The following CXCL1 variants were observed in gnomAD, a reference collection of about 807,000 sequenced individuals.
The protein encoded by CXCL1 is growth-regulated alpha protein.
A neutral mutation model predicts 11.7 loss-of-function variants in CXCL1; 9 were observed. The ratio of observed to expected loss-of-function variants is 0.77; its 90% confidence interval spans 0.46 to 1.34. The LOEUF (loss-of-function observed/expected upper bound fraction) is 1.34. Ranked by LOEUF, CXCL1 falls within the 40% of genes most tolerant of loss-of-function variation. The pLI is 0.00. For missense variants in CXCL1, 146 were observed against 138.1 expected, an observed-to-expected ratio of 1.06 and a Z score of -0.29; for synonymous variants, 78 against 59.1, an observed-to-expected ratio of 1.32 and a Z score of -1.47.
At chr4:73,870,150 T>G in intron 3 of CXCL1, 161 bp downstream of exon 3, 1 of 742,684 alleles carries the variant, frequency 1.3e-6, no homozygotes, top group South Asian at 1.8e-5. Flanking sequence ...CGATAATTAC[T>G]GCTCTGGTGC....
At chr4:73,870,456 G>T in intron 3 of CXCL1, 65 bp from the exon 4 acceptor site, 1 of 1,603,780 alleles carries the variant, frequency 6.2e-7, no homozygotes, top group Non-Finnish European at 8.5e-7. Context: ...AGCAGGGCAG[G>T]AGAAGAGTGT....
rs7656335 is a variant in CXCL1 at position 73,869,807 on chromosome 4, G to A, written c.224+15G>A. The A allele has an allele frequency of 1.9e-6, 3 of 1,613,452 alleles. No individual in the cohort carries two copies. The highest frequency in any genetic ancestry group is 2.2e-5 in the East Asian group (1 of 44,868). ...ACCGAAGTCATGTAAGTCCCGCCCC[G>A]CGCTGCCTCTGCCACCGCCGGGGTC... On this transcript the variant is annotated intron_variant, in intron 2 of 3. Coordinates refer to ENST00000395761, the MANE Select transcript of CXCL1 (RefSeq NM_001511.4).
In CXCL1 at chr4:73,869,730, CA is replaced by C; in HGVS notation, c.164del (p.Lys55ArgfsTer6). On this transcript the variant is annotated frameshift_variant, in exon 2 of 4. Coordinates refer to ENST00000395761, the MANE Select transcript of CXCL1 (RefSeq NM_001511.4). LOFTEE classifies it high-confidence loss of function. ...CLQTLQGIHPKNIQSVNVKSP... is the reference protein window; with the variant it reads ...CLQTLQGIHPXNIQSVNVKSP... ...TGCAGACCCTGCAGGGAATTCACCC[CA>C]AGAACATCCAAAGTGTGAACGTGAA... is the stretch of plus-strand genomic sequence containing the variant. The C allele has an allele frequency of 6.2e-7, 1 of 1,614,198 alleles. No individual in the cohort carries two copies. Among genetic ancestry groups the C allele is most frequent in the Non-Finnish European group, 8.5e-7 (1 of 1,180,040 alleles).
At chr4:73,870,450 G>C in intron 3 of CXCL1, 71 bp from the exon 4 acceptor site, 3 of 1,595,734 alleles carry the variant, frequency 1.9e-6, no homozygotes, top group Non-Finnish European at 1.7e-6. Flanking sequence ...TGGAGGAGCA[G>C]GGCAGGAGAA....
Position 73,870,897 on chromosome 4 carries a change from C to T in CXCL1, c.*361C>T. On this transcript the variant is annotated 3_prime_UTR_variant, in exon 4 of 4. Transcript: ENST00000395761. ...TCATTATGTTAATATTTCTGAGGAG[C>T]CTGCAACATGCCAGCCACTGTGATA... The T allele has an allele frequency of 5.3e-6, 1 of 186,948 alleles. No individual in the cohort carries two copies. Among genetic ancestry groups the T allele is most frequent in the Non-Finnish European group, 1.1e-5 (1 of 88,096 alleles). 11.6% of individuals were successfully genotyped at this position (186,948 alleles called of 1,614,324 possible). A position where few individuals can be genotyped will look rare whatever the true frequency, so the allele number is the denominator to read the frequency against.
At position 73,869,414 on chromosome 4, in the gene CXCL1, C is replaced by A. The variant is rs202228146; in HGVS notation, c.-57C>A. ...AGCCACAGAGCCCGGGCCGCAGGCACCTCCTCGCCAGCTCTTCCGCTCCTC... is the reference window on the plus strand; with the variant it reads ...AGCCACAGAGCCCGGGCCGCAGGCAACTCCTCGCCAGCTCTTCCGCTCCTC... On this transcript the variant is annotated 5_prime_UTR_variant, in exon 1 of 4. Transcript: ENST00000395761. The A allele has an allele frequency of 1.4e-5, 22 of 1,527,456 alleles. No individual in the cohort carries two copies. In the East Asian group the frequency reaches 4.7e-4, roughly 32 times the overall value. 94.6% of individuals were successfully genotyped at this position (1,527,456 alleles called of 1,614,324 possible).
In CXCL1 at chr4:73,871,304, C is replaced by G. The variant is rs959205342; in HGVS notation, c.*768C>G. 2 of 152,126 alleles carry G rather than the reference C, an allele frequency of 1.3e-5. No individual in the cohort carries two copies. Among genetic ancestry groups the G allele is most frequent in the African/African-American group, 4.8e-5 (2 of 41,400 alleles). The allele number at this position is 152,126 out of a possible 1,614,324, so 9.4% of individuals were successfully genotyped here. ...TACTGGAAAATCTGGTGATTTATAT[C>G]AATATTTCTCAATTTTTTAATTGTG... On this transcript the variant is annotated 3_prime_UTR_variant, in exon 4 of 4. Transcript: ENST00000395761.
chr4:73,869,485 T>C lies in CXCL1; in HGVS notation c.15T>C (p.Ala5=). The C allele has an allele frequency of 3.8e-6, 6 of 1,571,018 alleles. No individual in the cohort carries two copies. The highest frequency in any genetic ancestry group is 5.2e-6 in the Non-Finnish European group (6 of 1,159,814). Residue 5 remains alanine (A), a synonymous_variant, in exon 1 of 4, where the codon GCT becomes GCC. Coordinates refer to ENST00000395761, the MANE Select transcript of CXCL1 (RefSeq NM_001511.4). ...TGCTGAGCCCCATGGCCCGCGCTGCTCTCTCCGCCGCCCCCAGCAATCCCC... is the reference window on the plus strand; with the variant it reads ...TGCTGAGCCCCATGGCCCGCGCTGCCCTCTCCGCCGCCCCCAGCAATCCCC... MARA[A]LSAAPSNPRL...
chr4:73,870,326 A>G (rs1165854919), intron 3 of CXCL1, 195 bp from the exon 4 acceptor site: 1 of 396,808 alleles, frequency 2.5e-6, no homozygotes, highest in Non-Finnish European at 4.8e-6. Context: ...CCCCACCCCC[A>G]TTCCTAAAAG....
rs1731934234 is a variant in CXCL1, at chr4:73,870,774, T to C, written c.*238T>C. The C allele has an allele frequency of 4.5e-6, 2 of 440,314 alleles. No homozygotes were observed. Among genetic ancestry groups the C allele is most frequent in the African/African-American group, 2.0e-5 (1 of 49,812 alleles). The allele number at this position is 440,314 out of a possible 1,614,324, so 27.3% of individuals were successfully genotyped here. ...TATGATTAACTCTACCTGCACACTGTCCTATTATATTCATTCTTTTTGAAA... is the reference window on the plus strand; with the variant it reads ...TATGATTAACTCTACCTGCACACTGCCCTATTATATTCATTCTTTTTGAAA... On this transcript the variant is annotated 3_prime_UTR_variant, in exon 4 of 4. Coordinates refer to ENST00000395761, the MANE Select transcript of CXCL1 (RefSeq NM_001511.4).
At position 73,869,436 on chromosome 4, in the gene CXCL1, C is replaced by T. The variant is rs752846210; in HGVS notation, c.-35C>T. ...GCACCTCCTCGCCAGCTCTTCCGCT[C>T]CTCTCACAGCCGCCAGACCCGCCTG... On this transcript the variant is annotated 5_prime_UTR_variant, in exon 1 of 4. Transcript: ENST00000395761. 1 of 1,540,986 alleles carries T rather than the reference C, an allele frequency of 6.5e-7. No individual in the cohort carries two copies. The highest frequency in any genetic ancestry group is 8.7e-7 in the Non-Finnish European group (1 of 1,146,078).
In CXCL1 at chr4:73,870,678, T is replaced by C; in HGVS notation, c.*142T>C. The C allele has an allele frequency of 1.2e-6, 1 of 839,714 alleles. No homozygotes were observed. Among genetic ancestry groups the C allele is most frequent in the Non-Finnish European group, 1.8e-6 (1 of 546,926 alleles). The allele number at this position is 839,714 out of a possible 1,614,324, so 52.0% of individuals were successfully genotyped here. A position where few individuals can be genotyped will look rare whatever the true frequency, so the allele number is the denominator to read the frequency against. ...GTTTGAGCATCGCTTAGGAGAAGTCTTCTATTTATTTATTTATTCATTAGT... is the reference window on the plus strand; with the variant it reads ...GTTTGAGCATCGCTTAGGAGAAGTCCTCTATTTATTTATTTATTCATTAGT... On this transcript the variant is annotated 3_prime_UTR_variant, in exon 4 of 4. Coordinates refer to ENST00000395761, the MANE Select transcript of CXCL1 (RefSeq NM_001511.4).
chr4:73,870,042 C>A, intron 3 of CXCL1, 53 bp downstream of exon 3: 1 of 1,537,192 alleles, frequency 6.5e-7, no homozygotes, highest in Non-Finnish European at 9.0e-7. Context: ...GTCAGAAATA[C>A]TGGCATGTGC....
rs1417333409 is a variant in CXCL1 at position 73,869,489 on chromosome 4, TCCGCCGCCCCCAGCAATCC to T, written c.23_41del (p.Ala8GlyfsTer13). ...GAGCCCCATGGCCCGCGCTGCTCTC[TCCGCCGCCCCCAGCAATCC>T]CCGGCTCCTGCGAGTGGCACTGCTG... On this transcript the variant is annotated frameshift_variant, in exon 1 of 4. Coordinates refer to ENST00000395761, the MANE Select transcript of CXCL1 (RefSeq NM_001511.4). LOFTEE classifies it high-confidence loss of function. 1 of 1,575,340 alleles carries T rather than the reference TCCGCCGCCCCCAGCAATCC, an allele frequency of 6.3e-7. No individual in the cohort carries two copies. Among genetic ancestry groups the T allele is most frequent in the Non-Finnish European group, 8.6e-7 (1 of 1,161,660 alleles).
In CXCL1 at chr4:73,870,544, G is replaced by A. The variant is rs1731927034; in HGVS notation, c.*8G>A. ...AGTGACAAATCCAACTGACCAGAAG[G>A]GAGGAGGAAGCTCACTGGTGGCTGT... On this transcript the variant is annotated 3_prime_UTR_variant, in exon 4 of 4. Coordinates refer to ENST00000395761, the MANE Select transcript of CXCL1 (RefSeq NM_001511.4). The A allele has an allele frequency of 1.9e-6, 3 of 1,613,876 alleles. No homozygotes were observed. The highest frequency in any genetic ancestry group is 2.5e-6 in the Non-Finnish European group (3 of 1,179,842).
intron 3 of CXCL1, 26 bp from the exon 4 acceptor site, chr4:73,870,495 T>C (rs1731924897): frequency 6.2e-7 from 1 of 1,613,624 alleles, no homozygotes; most frequent in Non-Finnish European, 8.5e-7. Context: ...GAGCACCTAC[T>C]CAGGGCACCC....
intron 1 of CXCL1, 26 bp from the exon 2 acceptor site, chr4:73,869,643 C>T: frequency 6.2e-7 from 1 of 1,613,970 alleles, no homozygotes; most frequent in Non-Finnish European, 8.5e-7. Context: ...CAGCCTCGCT[C>T]AGTCAGTGAG....
rs768355203 is a variant in CXCL1 at position 73,869,657 on chromosome 4, C to A, written c.101-12C>A. ...ACAGCCTCGCTCAGTCAGTGAGTCT[C>A]TTCTTCCCTAGGAGCGTCCGTGGCC... On this transcript the variant is annotated splice_polypyrimidine_tract_variant and intron_variant, in intron 1 of 3. Coordinates refer to ENST00000395761, the MANE Select transcript of CXCL1 (RefSeq NM_001511.4). 29 of 1,614,044 alleles carry A rather than the reference C, an allele frequency of 1.8e-5. No individual in the cohort carries two copies. The Admixed American group carries it at 4.0e-4, about 22-fold the overall frequency.
Position 73,869,548 on chromosome 4 carries a change from A to G in CXCL1, c.78A>G (p.Val26=), listed in dbSNP as rs199791199. ...TGGCACTGCTGCTCCTGCTCCTGGT[A>G]GCCGCTGGCCGGCGCGCAGCAGGTG... The part of the protein sequence containing the change: ...LRVALLLLLL[V]AAGRRAAGAS... Residue 26 remains valine (V), a synonymous_variant, in exon 1 of 4, where the codon GTA becomes GTG. Transcript: ENST00000395761. The G allele has an allele frequency of 1.8e-3, 2,833 of 1,608,978 alleles. 6 individuals carry two copies. Among genetic ancestry groups the G allele is most frequent in the Non-Finnish European group, 2.3e-3 (2,680 of 1,177,650 alleles).
Sources: allele counts gnomAD v4.1 joint callset, GRCh38; gene constraint gnomAD v4.1.1; transcripts MANE v1.5; gene names NCBI Gene and HGNC (gene_info 2026-07-23, HGNC 2026-07-21).